The following GRIN2A variants were observed in gnomAD, a reference collection of about 807,000 sequenced individuals.
GRIN2A encodes glutamate receptor ionotropic, NMDA 2A.
GRIN2A carries 22 observed loss-of-function variants against 113.4 expected under a neutral mutation model. That is an observed-to-expected ratio of 0.19 (90% CI 0.14 to 0.28). The LOEUF (loss-of-function observed/expected upper bound fraction) is 0.28, where lower values mean the gene tolerates loss of function less well. Ranked by LOEUF, GRIN2A falls within the 10% of genes least tolerant of loss-of-function variation. GRIN2A has a pLI of 1.00. For synonymous variants in GRIN2A, 827 were observed against 738.4 expected (o/e 1.12, Z -1.94); for missense variants, 1,502 against 1,887.0 (o/e 0.80, Z 3.78).
intron 2 of GRIN2A, among the ~76,000 whole-genome samples, chr16:10,100,111 G>A (rs1026463548): frequency 2.6e-5 from 4 of 152,230 alleles, no homozygotes; most frequent in African/African-American, 9.6e-5. Flanking sequence ...GCAACTGCAA[G>A]AAGGCCAATA....
intron 3 of GRIN2A, among the ~76,000 whole-genome samples, chr16:9,902,489 G>T (rs2043948252): frequency 6.6e-6 from 1 of 152,206 alleles, no homozygotes. Flanking sequence ...GCACAAGAAA[G>T]AATTCAATGC....
intron 4 of GRIN2A, among the ~76,000 whole-genome samples, chr16:9,881,566 C>T (rs1348848144): frequency 6.6e-6 from 1 of 152,152 alleles, no homozygotes; most frequent in African/African-American, 2.4e-5. Flanking sequence ...ATCTAGGTAG[C>T]CCAAGGAACT....
intron 2 of GRIN2A, among the ~76,000 whole-genome samples, chr16:10,018,342 T>G (rs837697): frequency 0.7 from 106,126 of 151,968 alleles, 37,458 homozygotes; most frequent in Middle Eastern, 0.8. Context: ...TCCAGAAACA[T>G]AAGAGAAGAA....
chr16:10,071,354 A>G (rs1435517277), intron 2 of GRIN2A, among the ~76,000 whole-genome samples: 2 of 152,208 alleles, frequency 1.3e-5, no homozygotes, highest in East Asian at 1.9e-4. Context: ...AGTTGAAGTA[A>G]GGGGAAAACC....
At chr16:10,084,895 T>C (rs772616263) in intron 2 of GRIN2A, among the ~76,000 whole-genome samples, 1 of 152,164 alleles carries the variant, frequency 6.6e-6, no homozygotes, top group Non-Finnish European at 1.5e-5. Flanking sequence ...TACTGACACA[T>C]AGATCAATAA....
chr16:10,057,727 A>G (rs1470305066), intron 2 of GRIN2A, among the ~76,000 whole-genome samples: 2 of 152,182 alleles, frequency 1.3e-5, no homozygotes, highest in Non-Finnish European at 2.9e-5. Flanking sequence ...GAGGACAGGG[A>G]GTCCACTGAA....
At chr16:10,049,659 A>G (rs7186950) in intron 2 of GRIN2A, among the ~76,000 whole-genome samples, 74,545 of 152,058 alleles carry the variant, frequency 0.49, 19,234 homozygotes, top group East Asian at 0.92. Flanking sequence ...GATTACAGGC[A>G]TGAGTCACCG....
intron 2 of GRIN2A, among the ~76,000 whole-genome samples, chr16:10,019,345 G>T (rs921239931): frequency 6.6e-6 from 1 of 152,158 alleles, no homozygotes; most frequent in Non-Finnish European, 1.5e-5. Flanking sequence ...GTAAAAATTA[G>T]AATTAGATTA....
intron 12 of GRIN2A, among the ~76,000 whole-genome samples, chr16:9,768,537 C>G (rs1901059433): frequency 6.6e-6 from 1 of 152,192 alleles, no homozygotes; most frequent in Non-Finnish European, 1.5e-5. Context: ...AAACATCATG[C>G]AATTGGCCAC....
At chr16:10,087,466 T>G (rs1337593736) in intron 2 of GRIN2A, among the ~76,000 whole-genome samples, 1 of 152,150 alleles carries the variant, frequency 6.6e-6, no homozygotes, top group Non-Finnish European at 1.5e-5. Flanking sequence ...AGCAATGACC[T>G]AGAAAGGAGC....
intron 2 of GRIN2A, among the ~76,000 whole-genome samples, chr16:10,100,559 C>T (rs1250582130): frequency 6.6e-6 from 1 of 152,204 alleles, no homozygotes; most frequent in African/African-American, 2.4e-5. Context: ...AAGCACCTGG[C>T]ACATCCTGAT....
chr16:10,139,043 C>T (rs921122716), intron 2 of GRIN2A, among the ~76,000 whole-genome samples: 16 of 152,138 alleles, frequency 1.1e-4, no homozygotes, highest in Non-Finnish European at 1.8e-4. Flanking sequence ...GCCCAGTTGC[C>T]GAAGACCAGT....
chr16:9,906,188 C>CCA (rs779257824), intron 3 of GRIN2A, among the ~76,000 whole-genome samples: 11 of 152,128 alleles, frequency 7.2e-5, no homozygotes, highest in Admixed American at 2.6e-4. Context: ...TGATCATGTG[C>CCA]CACCCTTCTC....
rs545062923 is a variant in GRIN2A at position 9,980,034 on chromosome 16, C to CAGAT, written c.415-41487_415-41484dup. 2.6e-4 allele frequency among the ~76,000 whole-genome samples: 39 copies of CAGAT among 151,708 alleles called. No individual in the cohort carries two copies. In the South Asian group the frequency reaches 6.5e-3, roughly 25 times the overall value. ...CAGCATTTTGGGAAGCCAAGGCAGG[C>CAGAT]AGATCACTTGATGCCAGGAGTTCAA... On this transcript the variant is annotated intron_variant, in intron 2 of 12. Coordinates refer to ENST00000330684, the MANE Select transcript of GRIN2A (RefSeq NM_001134407.3).
At chr16:9,787,235 A>AC (rs1419993918) in intron 11 of GRIN2A, among the ~76,000 whole-genome samples, 1 of 61,050 alleles carries the variant, frequency 1.6e-5, no homozygotes, top group Non-Finnish European at 3.2e-5. Flanking sequence ...GTCTGAATAG[A>AC]AACACTGAGG....
chr16:10,047,648 C>A (rs2047283805), intron 2 of GRIN2A, among the ~76,000 whole-genome samples: 2 of 152,192 alleles, frequency 1.3e-5, no homozygotes, highest in Non-Finnish European at 2.9e-5. Context: ...ATAGCCAGCA[C>A]CTTCATCTTT....
intron 2 of GRIN2A, among the ~76,000 whole-genome samples, chr16:9,966,682 C>G (rs753529929): frequency 6.6e-6 from 1 of 152,138 alleles, no homozygotes; most frequent in Admixed American, 6.6e-5. Flanking sequence ...TTTAGGTCTT[C>G]GAGAAATTGC....
At chr16:10,006,831 G>A (rs1384581696) in intron 2 of GRIN2A, among the ~76,000 whole-genome samples, 1 of 151,998 alleles carries the variant, frequency 6.6e-6, no homozygotes, top group African/African-American at 2.4e-5. Flanking sequence ...ACTCTCTTCT[G>A]TGTTCAATTG....
chr16:10,098,288 C>A (rs1450839091), intron 2 of GRIN2A, among the ~76,000 whole-genome samples: 1 of 151,904 alleles, frequency 6.6e-6, no homozygotes, highest in African/African-American at 2.4e-5. Flanking sequence ...TGGCCATAAT[C>A]AAAAAATTAA....
Sources: gnomAD v4.1 joint callset for allele counts (sites outside exome capture counted in the v4.1 genomes callset) on GRCh38, gnomAD v4.1.1 for gene constraint, MANE v1.5 for transcripts, NCBI Gene and HGNC (gene_info 2026-07-23, HGNC 2026-07-21) for gene names.